Variants in ABR observed in about 807,000 individuals in gnomAD.
The protein encoded by ABR is active breakpoint cluster region-related protein.
Under a neutral mutation model 107.2 loss-of-function variants are expected in ABR, and 35 were observed. That is an observed-to-expected ratio of 0.33 (90% CI 0.25 to 0.43). The LOEUF is 0.43. ABR is among the 20% of genes least tolerant of loss of function. The pLI, the probability that ABR is intolerant of heterozygous loss-of-function variation, is 1.00. For synonymous variants in ABR, 498 were observed against 462.0 expected (o/e 1.08, Z -1.00); for missense variants, 815 against 1,115.2 (o/e 0.73, Z 3.83).
At chr17:1,213,266 TA>T (rs1386688437) in intron 1 of ABR, among the ~76,000 whole-genome samples, 1 of 152,232 alleles carries the variant, frequency 6.6e-6, no homozygotes, top group African/African-American at 2.4e-5. Flanking sequence ...TTAATTCACC[TA>T]AAGACCATGA....
At chr17:1,108,319 T>G (rs1013169752) in intron 2 of ABR, among the ~76,000 whole-genome samples, 3 of 151,750 alleles carry the variant, frequency 2.0e-5, no homozygotes, top group Admixed American at 2.0e-4. Context: ...GGAGCCAACC[T>G]CTCCTACAGG....
At chr17:1,195,100 G>A (rs1444442318) in intron 1 of ABR, among the ~76,000 whole-genome samples, 9 of 144,792 alleles carry the variant, frequency 6.2e-5, no homozygotes, top group African/African-American at 2.0e-4. Context: ...GAGGTCAGGA[G>A]ATCGAGACCA....
chr17:1,107,217 T>C (rs1462369835), intron 2 of ABR, among the ~76,000 whole-genome samples: 1 of 152,180 alleles, frequency 6.6e-6, no homozygotes, highest in Admixed American at 6.5e-5. Context: ...TTTTCAGGTG[T>C]GACACGTGCT....
intron 11 of ABR, among the ~76,000 whole-genome samples, chr17:1,058,482 A>C (rs1368352818): frequency 6.7e-6 from 1 of 149,708 alleles, no homozygotes; most frequent in African/African-American, 2.4e-5. Context: ...TTGCAGGAGG[A>C]GGCAGCTGGG....
At position 1,083,580 on chromosome 17, in the gene ABR, G is replaced by T; in HGVS notation, c.579C>A (p.Val193=). The change falls in exon 5 of 23, where the codon GTC becomes GTA. Residue 193 remains valine, a synonymous_variant. Transcript: ENST00000302538. ...VYKAFVDNYK[V]ALETAEKCSQ... is the part of the protein sequence containing the mutation. ...TGCACTTCTCAGCTGTCTCCAGAGC[G>T]ACTTTATAGTTATCGACAAACGCTT... 1 of 1,611,702 alleles carries T rather than the reference G, an allele frequency of 6.2e-7. No homozygotes were observed. Among genetic ancestry groups the T allele is most frequent in the South Asian group, 1.1e-5 (1 of 91,030 alleles).
chr17:1,223,726 G>A (rs748522896), intron 1 of ABR, among the ~76,000 whole-genome samples: 5 of 152,104 alleles, frequency 3.3e-5, no homozygotes, highest in Non-Finnish European at 7.3e-5. Context: ...CAATCACCGC[G>A]GAAGGCAAAG....
rs114334196 is a variant in ABR at position 1,113,269 on chromosome 17, C to T, written c.246+11914G>A. The stretch of plus-strand genomic sequence containing the variant: ...TTCTGGAAGGGATAACATGGAAACA[C>T]CTATTGCGATTTTTTTTTTTTTTTT... On this transcript the variant is annotated intron_variant, in intron 2 of 22. Coordinates refer to ENST00000302538, the MANE Select transcript of ABR (RefSeq NM_021962.5). 7.9e-3 allele frequency among the ~76,000 whole-genome samples: 1,101 copies of T among 140,110 alleles called. 46 individuals carry two copies. Among genetic ancestry groups the T allele is most frequent in the African/African-American group, 0.028 (1,054 of 38,268 alleles). The allele number at this position is 140,110 out of a possible 152,430, so 91.9% of individuals were successfully genotyped here.
chr17:1,077,316 C>T (rs780098064), intron 6 of ABR, among the ~76,000 whole-genome samples: 31 of 152,178 alleles, frequency 2.0e-4, no homozygotes, highest in Non-Finnish European at 4.1e-4. Flanking sequence ...ACAACAGTAT[C>T]ACGGAGACCG....
At chr17:1,223,750 C>T (rs887241205) in intron 1 of ABR, among the ~76,000 whole-genome samples, 1 of 152,156 alleles carries the variant, frequency 6.6e-6, no homozygotes, top group African/African-American at 2.4e-5. Context: ...AAGCAACCAC[C>T]TTCTTCACAA....
intron 2 of ABR, among the ~76,000 whole-genome samples, chr17:1,106,191 C>CT (rs11381980): frequency 3.8e-3 from 182 of 47,670 alleles, no homozygotes; most frequent in African/African-American, 0.016. Flanking sequence ...TTTACCTCTG[C>CT]CCCCCAGGAA....
At chr17:1,224,400 G>A (rs2043177644) in intron 1 of ABR, among the ~76,000 whole-genome samples, 2 of 152,222 alleles carry the variant, frequency 1.3e-5, no homozygotes, top group African/African-American at 2.4e-5. Context: ...AAAAGGAAAT[G>A]GAGGCCCTTT....
chr17:1,047,527 G>A (rs113250905), intron 16 of ABR, among the ~76,000 whole-genome samples: 3,520 of 152,344 alleles, frequency 0.023, 136 homozygotes, highest in African/African-American at 0.078. Flanking sequence ...GGCCAGGGCC[G>A]GGCCTTGGCA....
intron 1 of ABR, among the ~76,000 whole-genome samples, chr17:1,147,068 G>A (rs185442841): frequency 6.6e-6 from 1 of 152,388 alleles, no homozygotes; most frequent in East Asian, 1.9e-4. Context: ...TGGCCACTTG[G>A]CAGTCCCTGG....
chr17:1,038,716 C>T lies in ABR; in HGVS notation c.1791+11334G>A, dbSNP rs138241154. On this transcript the variant is annotated intron_variant, in intron 16 of 22. Transcript: ENST00000302538. ...GGGGCTGCTGTGAGTCTGCGGTGGC[C>T]GCAGGCTTGAGGGAGGCCAGCAGAG... Among the ~76,000 whole-genome samples the T allele has an allele frequency of 1.2e-3, 185 of 152,338 alleles. 1 individual carries two copies. The highest frequency in any genetic ancestry group is 4.2e-3 in the African/African-American group (174 of 41,584).
At chr17:1,220,014 G>A (rs983420596) in intron 1 of ABR, among the ~76,000 whole-genome samples, 2 of 151,390 alleles carry the variant, frequency 1.3e-5, no homozygotes, top group African/African-American at 2.4e-5. Flanking sequence ...TAAAGTGGCC[G>A]GGCGCGGTGG....
Position 1,027,551 on chromosome 17 carries a change from T to C in ABR, c.1792-14387A>G, listed in dbSNP as rs1340386484. Among the ~76,000 whole-genome samples the C allele has an allele frequency of 6.6e-6, 1 of 151,990 alleles. No homozygotes were observed. Among genetic ancestry groups the C allele is most frequent in the African/African-American group, 2.4e-5 (1 of 41,366 alleles). ...TACTCATGAGGCCCCAGCAGTGAGGTCTGCCCACTCGGCAGGTGGGTAAGT... is the reference window on the plus strand; with the variant it reads ...TACTCATGAGGCCCCAGCAGTGAGGCCTGCCCACTCGGCAGGTGGGTAAGT... On this transcript the variant is annotated intron_variant, in intron 16 of 22. Transcript: ENST00000302538. This position sits in a 1 kb window ranked among gnomAD's most constrained non-coding sequence, Gnocchi z 4.7.
At chr17:1,079,586 C>T (rs550414975) in intron 5 of ABR, among the ~76,000 whole-genome samples, 196 bp from the exon 6 acceptor site, 22 of 152,058 alleles carry the variant, frequency 1.4e-4, no homozygotes, top group African/African-American at 4.1e-4. Context: ...GTCGGAAGTT[C>T]GAGACCAGCC....
intron 16 of ABR, among the ~76,000 whole-genome samples, chr17:1,022,180 C>G (rs556623487): frequency 1.3e-5 from 2 of 151,844 alleles, no homozygotes; most frequent in African/African-American, 4.8e-5. Flanking sequence ...CAGGGAACCA[C>G]GTGGAAGGTG....
intron 2 of ABR, among the ~76,000 whole-genome samples, chr17:1,112,912 A>T (rs1314570252): frequency 7.8e-6 from 1 of 128,160 alleles, no homozygotes; most frequent in Non-Finnish European, 1.8e-5. Context: ...CCCAATCAGC[A>T]AGCATTTGTT....
Sources: allele counts gnomAD v4.1 joint callset (sites outside exome capture counted in the v4.1 genomes callset), GRCh38; gene constraint gnomAD v4.1.1; non-coding constraint Gnocchi (gnomAD v3.1); transcripts MANE v1.5; gene names NCBI Gene and HGNC (gene_info 2026-07-23, HGNC 2026-07-21).